The following ARHGAP33 variants were observed in gnomAD, a reference collection of about 807,000 sequenced individuals.
ARHGAP33 encodes Rho GTPase activating protein 33, also known as rho GTPase-activating protein 33.
In ARHGAP33, 57 loss-of-function variants were observed where a neutral mutation model predicts 126.2. The ratio of observed to expected loss-of-function variants is 0.45; its 90% CI spans 0.36 to 0.56. The LOEUF (loss-of-function observed/expected upper bound fraction) is 0.56. ARHGAP33 is among the 20% of genes least tolerant of loss of function. The probability of loss-of-function intolerance (pLI) is 0.00; values close to 1 mark genes in which losing one functional copy is unlikely to be tolerated. For synonymous variants in ARHGAP33, 711 were observed against 755.0 expected (o/e 0.94, Z 0.95); for missense variants, 1,500 against 1,748.3 (o/e 0.86, Z 2.53).
In ARHGAP33 at chr19:35,781,081, G is replaced by C; in HGVS notation, c.982+9G>C. Reference sequence around the variant, plus strand: ...CAACTCAGGCCAGGATGGTGAGGCCGGGGCCCACCCACCCCACCCGTCACA... The same window carrying C: ...CAACTCAGGCCAGGATGGTGAGGCCCGGGCCCACCCACCCCACCCGTCACA... On this transcript the variant is annotated intron_variant, in intron 11 of 20. Transcript: ENST00000007510. The C allele has an allele frequency of 1.2e-6, 2 of 1,611,374 alleles. No individual in the cohort carries two copies. The highest frequency in any genetic ancestry group is 1.7e-6 in the Non-Finnish European group (2 of 1,179,540).
In ARHGAP33 at chr19:35,780,518, G is replaced by C. The variant is rs780845014; in HGVS notation, c.702+20G>C. On this transcript the variant is annotated intron_variant, in intron 8 of 20. Transcript: ENST00000007510. Reference sequence around the variant, plus strand: ...TTCCAGGTGAGTCCAGCTGGGCGCGGACAGGTGGGGCTGGGGTACCTGCCA... The same window carrying C: ...TTCCAGGTGAGTCCAGCTGGGCGCGCACAGGTGGGGCTGGGGTACCTGCCA... 1 of 1,611,142 alleles carries C rather than the reference G, an allele frequency of 6.2e-7. No homozygotes were observed. Among genetic ancestry groups the C allele is most frequent in the Non-Finnish European group, 8.5e-7 (1 of 1,178,308 alleles).
intron 6 of ARHGAP33, chr19:35,779,748 A>C (rs1386840779): frequency 2.8e-6 from 1 of 352,598 alleles, no homozygotes; most frequent in East Asian, 7.5e-5. Flanking sequence ...TTAAAAAAAA[A>C]TGTTTTGTAG....
intron 6 of ARHGAP33, 55 bp downstream of exon 6, chr19:35,779,179 G>A (rs1971613166): frequency 1.4e-6 from 2 of 1,410,766 alleles, no homozygotes; most frequent in South Asian, 1.3e-5. Flanking sequence ...GTGTCTGAGG[G>A]GCGAGAAGCA....
intron 5 of ARHGAP33, 198 bp from the exon 6 acceptor site, chr19:35,778,834 T>A: frequency 1.2e-6 from 1 of 803,302 alleles, no homozygotes; most frequent in Non-Finnish European, 1.9e-6. Flanking sequence ...GTCACCATGG[T>A]CATGCCAACC....
intron 15 of ARHGAP33, 51 bp from the exon 16 acceptor site, chr19:35,784,121 C>T (rs776431242): frequency 6.5e-7 from 1 of 1,540,068 alleles, no homozygotes; most frequent in Non-Finnish European, 8.9e-7. Flanking sequence ...CTGCCAGAAC[C>T]TGCTGGCTGG....
At position 35,779,302 on chromosome 19, in the gene ARHGAP33, G is replaced by A. The variant is rs1056935948; in HGVS notation, c.501+178G>A. On this transcript the variant is annotated intron_variant, in intron 6 of 20. Transcript: ENST00000007510. ...TGAGAGAATGTGTGTGAGCATGTGT[G>A]TGTGTGCACGTGTGTGTGTTAGCAG... 3 of 587,080 alleles carry A rather than the reference G, an allele frequency of 5.1e-6. No homozygotes were observed. In the African/African-American group the frequency reaches 5.6e-5, roughly 11 times the overall value. 36.4% of individuals were successfully genotyped at this position (587,080 alleles called of 1,614,324 possible).
chr19:35,780,520 C>T (rs1971699588), intron 8 of ARHGAP33, 22 bp downstream of exon 8: 1 of 1,610,932 alleles, frequency 6.2e-7, no homozygotes, highest in African/African-American at 1.3e-5. Flanking sequence ...TGGGCGCGGA[C>T]AGGTGGGGCT....
chr19:35,787,752 A>G lies in ARHGAP33; in HGVS notation c.3187A>G (p.Ser1063Gly). ...CCTGGGCCCCCCATCCTTCCAGCCCAGTTCCCCAGCCCCAGTCTGGAGGAG... is the reference window on the plus strand; with the variant it reads ...CCTGGGCCCCCCATCCTTCCAGCCCGGTTCCCCAGCCCCAGTCTGGAGGAG... ...YPLGPPSFQP[S>G]SPAPVWRSSL... is the part of the protein sequence containing the mutation. Residue 1063 changes from serine to glycine, a missense_variant, in exon 21 of 21, where the codon AGT (serine) becomes GGT (glycine). Ser to Gly is a moderately conservative substitution (Grantham distance 56, BLOSUM62 0). Transcript: ENST00000007510. 1 of 1,564,816 alleles carries G rather than the reference A, an allele frequency of 6.4e-7. No individual in the cohort carries two copies. Among genetic ancestry groups the G allele is most frequent in the East Asian group, 2.3e-5 (1 of 43,542 alleles).
intron 3 of ARHGAP33, 123 bp from the exon 4 acceptor site, chr19:35,778,157 A>G: frequency 9.7e-7 from 1 of 1,034,230 alleles, no homozygotes; most frequent in Non-Finnish European, 1.5e-6. Flanking sequence ...GGACCAGGAC[A>G]TCACCAGGCC....
chr19:35,780,963 C>T lies in ARHGAP33; in HGVS notation c.873C>T (p.Thr291=), dbSNP rs761057554. 6.2e-7 allele frequency: 1 copy of T among 1,610,258 alleles called. No individual in the cohort carries two copies. The highest frequency in any genetic ancestry group is 8.5e-7 in the Non-Finnish European group (1 of 1,179,928). ...GGAAGCTGGCCGGCCTGCTCCGCACCTTCATGCGCTCCCGCCCTTCTCGGC... is the reference window on the plus strand; with the variant it reads ...GGAAGCTGGCCGGCCTGCTCCGCACTTTCATGCGCTCCCGCCCTTCTCGGC... The part of the protein sequence containing the change: ...PRGKLAGLLR[T]FMRSRPSRQR... Residue 291 remains threonine, a synonymous_variant, in exon 11 of 21, where the codon ACC becomes ACT. Coordinates refer to ENST00000007510, the MANE Select transcript of ARHGAP33 (RefSeq NM_001366178.1).
Position 35,787,062 on chromosome 19 carries a change from G to A in ARHGAP33, c.2592G>A (p.Gln864=), listed in dbSNP as rs779286323. The A allele has an allele frequency of 6.2e-7, 1 of 1,602,798 alleles. No individual in the cohort carries two copies. Among genetic ancestry groups the A allele is most frequent in the South Asian group, 1.1e-5 (1 of 89,826 alleles). The change falls in exon 20 of 21, where the codon CAG becomes CAA. Residue 864 remains glutamine, a synonymous_variant. Coordinates refer to ENST00000007510, the MANE Select transcript of ARHGAP33 (RefSeq NM_001366178.1). Reference sequence around the variant, plus strand: ...TGTGCAGCAAGCTCCGGGGAGCCCAGGGCCCACTCGGTGAGTCCTCAGCCT... The same window carrying A: ...TGTGCAGCAAGCTCCGGGGAGCCCAAGGCCCACTCGGTGAGTCCTCAGCCT... ...QEMCSKLRGA[Q]GPLGPDMESP...
rs1321597002 is a variant in ARHGAP33 at position 35,788,737 on chromosome 19, GA to G, written c.*309del. On this transcript the variant is annotated 3_prime_UTR_variant, in exon 21 of 21. Transcript: ENST00000007510. ...CAGCATGTCCTGACCTGTGCACGGGGATGGGGGGACAACTCCTACCCTTCTT... is the reference window on the plus strand; with the variant it reads ...CAGCATGTCCTGACCTGTGCACGGGGTGGGGGGACAACTCCTACCCTTCTT... 1 of 320,660 alleles carries G rather than the reference GA, an allele frequency of 3.1e-6. No homozygotes were observed. The highest frequency in any genetic ancestry group is 5.7e-6 in the Non-Finnish European group (1 of 175,700). The allele number at this position is 320,660 out of a possible 1,614,324, so 19.9% of individuals were successfully genotyped here.
At chr19:35,785,166 C>T (rs1568430341) in intron 17 of ARHGAP33, 23 bp from the exon 18 acceptor site, 3 of 1,577,088 alleles carry the variant, frequency 1.9e-6, no homozygotes, top group Non-Finnish European at 2.6e-6. Flanking sequence ...CAGACGGCCT[C>T]CTGTTTCTCC....
intron 6 of ARHGAP33, among the ~76,000 whole-genome samples, chr19:35,779,471 C>T (rs1971633705): frequency 6.6e-6 from 1 of 152,004 alleles, no homozygotes; most frequent in African/African-American, 2.4e-5. Context: ...ACTCTTGTTG[C>T]CCAGGCTGGA....
chr19:35,784,868 CG>C, intron 16 of ARHGAP33, 84 bp from the exon 17 acceptor site: 1 of 1,416,046 alleles, frequency 7.1e-7, no homozygotes, highest in Non-Finnish European at 9.2e-7. Context: ...GCTGCGGGGC[CG>C]GGGCTTGGGC....
intron 1 of ARHGAP33, 158 bp from the exon 2 acceptor site, chr19:35,777,475 GCAGTCCTGTCCT>G: frequency 1.6e-6 from 1 of 624,612 alleles, no homozygotes; most frequent in South Asian, 1.9e-5. Flanking sequence ...ACACGAAGAA[GCAGTCCTGTCCT>G]CAGCCCAGCC....
chr19:35,784,963 G>T lies in ARHGAP33; in HGVS notation c.1578G>T (p.Leu526=). The change falls in exon 17 of 21, where the codon CTG becomes CTT. Residue 526 remains leucine, a synonymous_variant. Transcript: ENST00000007510. Reference sequence around the variant, plus strand: ...TTCCACACTCCCCAGGCCGCTGCCTGCTCCCCAGGCCCAAGTCCCTTGCGG... The same window carrying T: ...TTCCACACTCCCCAGGCCGCTGCCTTCTCCCCAGGCCCAAGTCCCTTGCGG... ...SAGLDPAGRC[L]LPRPKSLAGS... 1 of 1,541,504 alleles carries T rather than the reference G, an allele frequency of 6.5e-7. No individual in the cohort carries two copies. The highest frequency in any genetic ancestry group is 8.7e-7 in the Non-Finnish European group (1 of 1,146,040).
chr19:35,787,035 G>A lies in ARHGAP33; in HGVS notation c.2565G>A (p.Glu855=). The change falls in exon 20 of 21, where the codon GAG becomes GAA. Residue 855 remains glutamate, a synonymous_variant. Coordinates refer to ENST00000007510, the MANE Select transcript of ARHGAP33 (RefSeq NM_001366178.1). The part of the protein sequence containing the change: ...EAPLTDACQQ[E]MCSKLRGAQG... ...CGCTGACTGACGCCTGCCAGCAGGA[G>A]ATGTGCAGCAAGCTCCGGGGAGCCC... The A allele has an allele frequency of 6.2e-7, 1 of 1,609,162 alleles. No individual in the cohort carries two copies. Among genetic ancestry groups the A allele is most frequent in the Non-Finnish European group, 8.5e-7 (1 of 1,177,578 alleles).
At position 35,778,331 on chromosome 19, in the gene ARHGAP33, C is replaced by A; in HGVS notation, c.241C>A (p.Leu81Met). The change falls in exon 4 of 21, where the codon CTG (leucine) becomes ATG (methionine). Residue 81 changes from leucine (L) to methionine (M), a missense_variant. Leu to Met is a conservative substitution (Grantham distance 15). Transcript: ENST00000007510. ...EGPSLSGENE[L>M]VFGVQVTCQG... ...GCCCAGCCTCTCTGGAGAGAATGAG[C>A]TGGTGTTCGGGGTGCAGGTGACCTG... The A allele has an allele frequency of 6.2e-7, 1 of 1,614,198 alleles. No homozygotes were observed. The highest frequency in any genetic ancestry group is 8.5e-7 in the Non-Finnish European group (1 of 1,180,038).
Sources: allele counts gnomAD v4.1 joint callset (sites outside exome capture counted in the v4.1 genomes callset), GRCh38; gene constraint gnomAD v4.1.1; transcripts MANE v1.5; gene names NCBI Gene and HGNC (gene_info 2026-07-23, HGNC 2026-07-21).